The following CLYBL variants were observed in gnomAD, a reference collection of about 807,000 sequenced individuals.
The protein encoded by CLYBL is citramalyl-CoA lyase, mitochondrial.
CLYBL carries 31 observed loss-of-function variants against 38.9 expected under a neutral mutation model. The observed-to-expected ratio is 0.80, with a 90% confidence interval of 0.60 to 1.08. The LOEUF is 1.08. Among genes scored for constraint, CLYBL ranks in the 50% least tolerant of loss-of-function variants. CLYBL has a pLI of 0.00. For synonymous variants in CLYBL, 171 were observed against 158.6 expected (o/e 1.08, Z -0.59); for missense variants, 434 against 411.6 (o/e 1.05, Z -0.47).
intron 1 of CLYBL, 46 bp downstream of exon 1, chr13:99,606,803 C>G: frequency 7.4e-7 from 1 of 1,344,204 alleles, no homozygotes. Flanking sequence ...CGGCTCGCCG[C>G]GGGTCGGCTC....
intron 1 of CLYBL, among the ~76,000 whole-genome samples, chr13:99,767,256 C>T (rs2049287263): frequency 6.6e-6 from 1 of 152,062 alleles, no homozygotes; most frequent in Non-Finnish European, 1.5e-5. Context: ...ACTGTCTCAT[C>T]TTCATATTTG....
chr13:99,821,126 G>A (rs888244755), intron 2 of CLYBL, among the ~76,000 whole-genome samples: 2 of 152,166 alleles, frequency 1.3e-5, no homozygotes, highest in South Asian at 4.1e-4. Context: ...TATTATTTGA[G>A]GGAATTGATT....
Position 99,855,563 on chromosome 13 carries a change from C to T in CLYBL, c.250-3298C>T, listed in dbSNP as rs9554643. On this transcript the variant is annotated intron_variant, in intron 2 of 8. Coordinates refer to ENST00000339105, the MANE Select transcript of CLYBL (RefSeq NM_206808.5). ...GTGGTGGAGATGAGAGAGCTGAGAG[C>T]GCTGTTAGCAAGAAGTACAGTGTGT... 6.6e-5 allele frequency among the ~76,000 whole-genome samples: 10 copies of T among 152,120 alleles called. No homozygotes were observed. The East Asian group carries it at 1.7e-3, about 26-fold the overall frequency.
chr13:99,719,586 A>G (rs2048365624), intron 1 of CLYBL, among the ~76,000 whole-genome samples: 1 of 152,072 alleles, frequency 6.6e-6, no homozygotes, highest in Non-Finnish European at 1.5e-5. Flanking sequence ...AGCTCACTGC[A>G]ACCTCCACCT....
chr13:99,846,867 C>A (rs148457090), intron 2 of CLYBL, among the ~76,000 whole-genome samples: 3 of 152,312 alleles, frequency 2.0e-5, no homozygotes, highest in Non-Finnish European at 4.4e-5. Context: ...ACAGCTGAGT[C>A]GGTCTTAACC....
In CLYBL at chr13:99,863,989, C is replaced by A. The variant is rs145513085; in HGVS notation, c.541-829C>A. 1.4e-3 allele frequency among the ~76,000 whole-genome samples: 212 copies of A among 152,306 alleles called. 2 individuals carry two copies. The highest frequency in any genetic ancestry group is 4.8e-3 in the African/African-American group (198 of 41,574). On this transcript the variant is annotated intron_variant, in intron 4 of 8. Transcript: ENST00000339105. ...TTGGGGACCTGCTTCAAACCTTGTC[C>A]TGTGAGCAGCTTGTTTACACAACTA... is the stretch of plus-strand genomic sequence containing the variant.
At chr13:99,896,550 G>A (rs952451226), downstream of CLYBL, 2 of 152,254 alleles carry the variant, frequency 1.3e-5, no homozygotes, top group African/African-American at 4.8e-5. Context: ...GCAGCTCCCT[G>A]GTCGTGGTCT....
At chr13:99,888,435 C>T (rs571353284) in intron 7 of CLYBL, among the ~76,000 whole-genome samples, 4 of 152,142 alleles carry the variant, frequency 2.6e-5, no homozygotes, top group Non-Finnish European at 5.9e-5. Flanking sequence ...ATTATTATTA[C>T]AGTAGCATGG....
At chr13:99,661,061 T>C (rs574472634) in intron 1 of CLYBL, among the ~76,000 whole-genome samples, 3 of 152,334 alleles carry the variant, frequency 2.0e-5, no homozygotes, top group African/African-American at 4.8e-5. Context: ...AAAAATATGC[T>C]ATTTTAATTG....
downstream of CLYBL, among the ~76,000 whole-genome samples, chr13:99,901,157 C>T (rs1033879415): frequency 7.2e-5 from 11 of 152,192 alleles, no homozygotes; most frequent in Non-Finnish European, 1.6e-4. Flanking sequence ...CTGGCTCCCT[C>T]GACACCACCT....
intron 2 of CLYBL, among the ~76,000 whole-genome samples, chr13:99,844,751 C>T (rs1255910556): frequency 6.6e-6 from 1 of 152,202 alleles, no homozygotes; most frequent in Non-Finnish European, 1.5e-5. Context: ...CTCGGGTCTA[C>T]ACTGTGGCAG....
rs2048629905 is a variant in CLYBL at position 99,733,978 on chromosome 13, T to C, written c.63-38846T>C. Among the ~76,000 whole-genome samples, 5 of 152,358 alleles carry C rather than the reference T, an allele frequency of 3.3e-5. No individual in the cohort carries two copies. In the South Asian group the frequency reaches 1.0e-3, roughly 32 times the overall value. On this transcript the variant is annotated intron_variant, in intron 1 of 8. Coordinates refer to ENST00000339105, the MANE Select transcript of CLYBL (RefSeq NM_206808.5). ...GGATGTTTTGAATGTGCTCGACTTT[T>C]ATTTTGTTCAGACCCAAACTGAATG...
At chr13:99,743,966 C>CTTTTTTTTTT (rs1162079530) in intron 1 of CLYBL, among the ~76,000 whole-genome samples, 38 of 69,178 alleles carry the variant, frequency 5.5e-4, no homozygotes, top group African/African-American at 1.3e-3. Context: ...TCTCTTCTTT[C>CTTTTTTTTTT]TTTTTTTTTT....
At chr13:99,621,921 G>A (rs1302597693) in intron 1 of CLYBL, among the ~76,000 whole-genome samples, 1 of 152,190 alleles carries the variant, frequency 6.6e-6, no homozygotes, top group African/African-American at 2.4e-5. Context: ...TTGGAAGTCT[G>A]ACCTAGGTTT....
At chr13:99,807,416 C>A (rs1339624794) in intron 2 of CLYBL, among the ~76,000 whole-genome samples, 9 of 152,130 alleles carry the variant, frequency 5.9e-5, no homozygotes, top group African/African-American at 2.2e-4. Flanking sequence ...TTCACTGTAG[C>A]CAAAAGGTCG....
chr13:99,748,693 C>T (rs1446491968), intron 1 of CLYBL, among the ~76,000 whole-genome samples: 1 of 151,362 alleles, frequency 6.6e-6, no homozygotes, highest in Non-Finnish European at 1.5e-5. Context: ...CCCGGCTTGG[C>T]CTCTCAAAGT....
intron 2 of CLYBL, among the ~76,000 whole-genome samples, chr13:99,853,706 A>G (rs987039042): frequency 1.3e-5 from 2 of 152,200 alleles, no homozygotes; most frequent in Non-Finnish European, 2.9e-5. Context: ...AAATTTTTAC[A>G]CATTTATGAG....
chr13:99,839,538 A>G (rs1428780723), intron 2 of CLYBL, among the ~76,000 whole-genome samples: 1 of 152,188 alleles, frequency 6.6e-6, no homozygotes, highest in African/African-American at 2.4e-5. Context: ...AATACAAGAA[A>G]GAATCCTAGC....
At chr13:99,856,640 T>G (rs1402248130) in intron 2 of CLYBL, among the ~76,000 whole-genome samples, 1 of 152,102 alleles carries the variant, frequency 6.6e-6, no homozygotes, top group East Asian at 1.9e-4. Flanking sequence ...TTTTTTGGTT[T>G]GTTTGTTTTC....
Sources: gnomAD v4.1 joint callset for allele counts (sites outside exome capture counted in the v4.1 genomes callset) on GRCh38, gnomAD v4.1.1 for gene constraint, MANE v1.5 for transcripts, NCBI Gene and HGNC (gene_info 2026-07-23, HGNC 2026-07-21) for gene names.